RASAL2: variants seen among roughly 807,000 people sequenced by gnomAD.
RASAL2 encodes the protein RAS protein activator like 2.
Under a neutral mutation model 128.9 loss-of-function variants are expected in RASAL2, and 58 were observed. The observed-to-expected ratio is 0.45, with a 90% CI of 0.36 to 0.56. The LOEUF is 0.56. Ranked by LOEUF, RASAL2 falls within the 20% of genes least tolerant of loss-of-function variation. RASAL2 has a pLI of 0.00. For missense variants in RASAL2, 1,360 were observed against 1,601.6 expected (o/e 0.85, Z 2.57); for synonymous variants, 561 against 580.8 (o/e 0.97, Z 0.49).
chr1:178,395,485 G>A (rs1490708350), intron 4 of RASAL2, among the ~76,000 whole-genome samples: 1 of 152,050 alleles, frequency 6.6e-6, no homozygotes, highest in East Asian at 1.9e-4. Flanking sequence ...AATCAGTTCA[G>A]ATGACCAATG....
At chr1:178,097,268 G>A in intron 1 of RASAL2, among the ~76,000 whole-genome samples, 1 of 152,210 alleles carries the variant, frequency 6.6e-6, no homozygotes, top group East Asian at 1.9e-4. Flanking sequence ...CAGCATAAAA[G>A]TGGAATCTGG....
chr1:178,344,733 T>G (rs1363808095), intron 3 of RASAL2, among the ~76,000 whole-genome samples: 2 of 152,232 alleles, frequency 1.3e-5, no homozygotes, highest in Non-Finnish European at 2.9e-5. Flanking sequence ...CACCGGATTC[T>G]TATATTTGAG....
chr1:178,290,333 A>C lies in RASAL2; in HGVS notation c.330+6642A>C, dbSNP rs55761228. 5.6e-3 allele frequency among the ~76,000 whole-genome samples: 858 copies of C among 152,312 alleles called. 11 individuals carry two copies. The highest frequency in any genetic ancestry group is 0.019 in the African/African-American group (803 of 41,576). ...ATAAGTTGAATAGAAAATATCTTCT[A>C]TCCTTTCTTTCCATGATATATCTAC... On this transcript the variant is annotated intron_variant, in intron 2 of 17. Transcript: ENST00000367649.
At chr1:178,424,791 A>G (rs898483231) in intron 5 of RASAL2, among the ~76,000 whole-genome samples, 1 of 152,182 alleles carries the variant, frequency 6.6e-6, no homozygotes, top group Non-Finnish European at 1.5e-5. Context: ...AATTATTCTC[A>G]GGAGGTCTGA....
intron 1 of RASAL2, among the ~76,000 whole-genome samples, chr1:178,098,530 G>T (rs1220410056): frequency 6.6e-6 from 1 of 152,164 alleles, no homozygotes; most frequent in Non-Finnish European, 1.5e-5. Flanking sequence ...ATGAATGGAT[G>T]GGGAGTGTAG....
chr1:178,099,031 C>T (rs141725811), intron 1 of RASAL2, among the ~76,000 whole-genome samples: 34 of 152,294 alleles, frequency 2.2e-4, no homozygotes, highest in African/African-American at 6.7e-4. Context: ...ATACTGCTTA[C>T]GCCTCACCAA....
chr1:178,324,162 C>A (rs1037604921), intron 3 of RASAL2, among the ~76,000 whole-genome samples: 2 of 152,100 alleles, frequency 1.3e-5, no homozygotes, highest in Admixed American at 1.3e-4. Flanking sequence ...TTGATTTGAG[C>A]CAAACTTCAG....
intron 1 of RASAL2, among the ~76,000 whole-genome samples, chr1:178,186,678 C>T (rs79662535): frequency 0.074 from 11,259 of 151,834 alleles, 479 homozygotes; most frequent in Middle Eastern, 0.099. Flanking sequence ...TTCTATATAA[C>T]CAGTTTTCAG....
At chr1:178,465,837 A>C in intron 15 of RASAL2, 83 bp from the exon 16 acceptor site, 1 of 1,090,120 alleles carries the variant, frequency 9.2e-7, no homozygotes. Context: ...AAAAAGAAAG[A>C]AAGAGAAAGA....
intron 5 of RASAL2, among the ~76,000 whole-genome samples, chr1:178,432,068 C>T (rs532381725): frequency 4.0e-5 from 6 of 151,384 alleles, no homozygotes; most frequent in African/African-American, 1.2e-4. Context: ...ACCTTCTATC[C>T]TTCTGAACTC....
intron 1 of RASAL2, among the ~76,000 whole-genome samples, chr1:178,169,646 T>C (rs1265715024): frequency 6.6e-6 from 1 of 152,034 alleles, no homozygotes; most frequent in East Asian, 1.9e-4. Flanking sequence ...AGTTTTCAAG[T>C]TTGTACCTTT....
chr1:178,351,038 G>T (rs181036412), intron 3 of RASAL2, among the ~76,000 whole-genome samples: 1 of 152,128 alleles, frequency 6.6e-6, no homozygotes, highest in African/African-American at 2.4e-5. Flanking sequence ...GCAGGCAGGA[G>T]CAGGACTTGG....
At chr1:178,414,011 C>T (rs1012925809) in intron 4 of RASAL2, among the ~76,000 whole-genome samples, 11 of 151,812 alleles carry the variant, frequency 7.2e-5, no homozygotes, top group African/African-American at 2.7e-4. Flanking sequence ...CAGAACAGAC[C>T]CAGAGGAACC....
At chr1:178,363,854 T>C (rs1012766640) in intron 3 of RASAL2, among the ~76,000 whole-genome samples, 25 of 152,120 alleles carry the variant, frequency 1.6e-4, no homozygotes, top group African/African-American at 5.6e-4. Context: ...CCCAGCACTT[T>C]GGGAGGCTGA....
intron 5 of RASAL2, among the ~76,000 whole-genome samples, chr1:178,437,661 G>A (rs1483310106): frequency 1.3e-5 from 2 of 152,070 alleles, no homozygotes; most frequent in African/African-American, 4.8e-5. Flanking sequence ...GGAAAAATGA[G>A]CTAGAATTGT....
chr1:178,196,607 A>G (rs1474624518), intron 1 of RASAL2, among the ~76,000 whole-genome samples: 1 of 152,216 alleles, frequency 6.6e-6, no homozygotes, highest in Non-Finnish European at 1.5e-5. Flanking sequence ...ACTATAAGTA[A>G]TCTAGAGATG....
At chr1:178,294,714 C>A (rs1206521962) in intron 2 of RASAL2, among the ~76,000 whole-genome samples, 1 of 152,192 alleles carries the variant, frequency 6.6e-6, no homozygotes, top group African/African-American at 2.4e-5. Context: ...CACCATTGCC[C>A]AGGTGTCTGC....
At position 178,286,197 on chromosome 1, in the gene RASAL2, C is replaced by A. The variant is rs575924798; in HGVS notation, c.330+2506C>A. ...TCATCATCAGCAAAACCAGCTGTTTCTTCCACCTTTTCTCTGAAGGGGTCC... is the reference window on the plus strand; with the variant it reads ...TCATCATCAGCAAAACCAGCTGTTTATTCCACCTTTTCTCTGAAGGGGTCC... On this transcript the variant is annotated intron_variant, in intron 2 of 17. Coordinates refer to ENST00000367649, the MANE Select transcript of RASAL2 (RefSeq NM_170692.4). Among the ~76,000 whole-genome samples, 8 of 152,244 alleles carry A rather than the reference C, an allele frequency of 5.3e-5. No individual in the cohort carries two copies. In the East Asian group the frequency reaches 1.5e-3, roughly 29 times the overall value.
chr1:178,230,239 A>G (rs1369834552), intron 1 of RASAL2, among the ~76,000 whole-genome samples: 1 of 152,206 alleles, frequency 6.6e-6, no homozygotes, highest in Non-Finnish European at 1.5e-5. Flanking sequence ...TTTTATGACT[A>G]TTATAAATAA....
Sources: allele counts gnomAD v4.1 joint callset (sites outside exome capture counted in the v4.1 genomes callset), GRCh38; gene constraint gnomAD v4.1.1; transcripts MANE v1.5; gene names NCBI Gene and HGNC (gene_info 2026-07-23, HGNC 2026-07-21).